Variants in SLC39A11 observed in about 807,000 individuals in gnomAD.
SLC39A11 encodes the protein zinc transporter ZIP11.
In SLC39A11, 33 loss-of-function variants were observed where a neutral mutation model predicts 36.1. That is an observed-to-expected ratio of 0.91 (90% confidence interval 0.69 to 1.22). The LOEUF is 1.22. SLC39A11 is among the 50% of genes most tolerant of loss of function. SLC39A11 has a pLI of 0.00. For synonymous variants in SLC39A11, 166 were observed against 170.3 expected (o/e 0.97, Z 0.20); for missense variants, 432 against 430.3 (o/e 1.00, Z -0.03).
At chr17:72,937,764 A>G (rs2084863483) in intron 5 of SLC39A11, among the ~76,000 whole-genome samples, 1 of 152,184 alleles carries the variant, frequency 6.6e-6, no homozygotes, top group African/African-American at 2.4e-5. Flanking sequence ...CAACCAATTC[A>G]CTAAGATTGA....
chr17:72,764,008 AC>A (rs2075680955), intron 6 of SLC39A11, among the ~76,000 whole-genome samples: 1 of 151,772 alleles, frequency 6.6e-6, no homozygotes, highest in African/African-American at 2.4e-5. Flanking sequence ...TCTCCTGAGT[AC>A]CCGAATAAAG....
At chr17:73,023,321 T>C (rs557519393) in intron 4 of SLC39A11, among the ~76,000 whole-genome samples, 5 of 152,254 alleles carry the variant, frequency 3.3e-5, no homozygotes, top group South Asian at 2.1e-4. Flanking sequence ...TGTGACTGTA[T>C]TTAGAGATAG....
rs533887009 is a variant in SLC39A11 at position 72,743,703 on chromosome 17, T to G, written c.602-6984A>C. Among the ~76,000 whole-genome samples, 1,000 of 151,724 alleles carry G rather than the reference T, an allele frequency of 6.6e-3. 10 individuals are homozygous for G. Among genetic ancestry groups the G allele is most frequent in the Middle Eastern group, 0.01 (3 of 294 alleles). On this transcript the variant is annotated intron_variant, in intron 6 of 9. Coordinates refer to ENST00000255559, the MANE Select transcript of SLC39A11 (RefSeq NM_139177.4). ...GCAGAAGGAACACCAAAACGAGAAT[T>G]CAGGCCGACACTGAAGATCAACAGA... is the stretch of plus-strand genomic sequence containing the variant.
chr17:72,746,075 G>A (rs1451566732), intron 6 of SLC39A11, among the ~76,000 whole-genome samples: 1 of 152,184 alleles, frequency 6.6e-6, no homozygotes, highest in Non-Finnish European at 1.5e-5. Flanking sequence ...TAAAGAAACT[G>A]AAGGAAGGTC....
At chr17:72,756,624 G>A (rs1276635440) in intron 6 of SLC39A11, among the ~76,000 whole-genome samples, 2 of 152,214 alleles carry the variant, frequency 1.3e-5, no homozygotes, top group Admixed American at 6.5e-5. Context: ...CAGAAGCTGG[G>A]GGAAGTGGGC....
intron 4 of SLC39A11, among the ~76,000 whole-genome samples, chr17:73,013,921 C>G (rs1317293780): frequency 1.3e-5 from 2 of 152,072 alleles, no homozygotes; most frequent in African/African-American, 4.8e-5. Flanking sequence ...ACGCAGAGGC[C>G]CAGCGATTTG....
intron 5 of SLC39A11, among the ~76,000 whole-genome samples, chr17:72,939,061 G>C (rs909168591): frequency 6.6e-6 from 1 of 152,126 alleles, no homozygotes; most frequent in Non-Finnish European, 1.5e-5. Context: ...GACGAACCAA[G>C]CTCCTGAAGT....
rs780776514 is a variant in SLC39A11 at position 72,762,541 on chromosome 17, T to C, written c.602-25822A>G. 5.7e-4 allele frequency among the ~76,000 whole-genome samples: 86 copies of C among 152,190 alleles called. 1 individual carries two copies. The highest frequency in any genetic ancestry group is 1.3e-4 in the Non-Finnish European group (9 of 68,022). The stretch of plus-strand genomic sequence containing the variant: ...TATAATCAAGAAGTAACCATAAAAA[T>C]GGGCAACCAGCAGCCCTTGGGGCAG... On this transcript the variant is annotated intron_variant, in intron 6 of 9. Transcript: ENST00000255559.
At chr17:72,723,278 A>G (rs540467337) in intron 7 of SLC39A11, among the ~76,000 whole-genome samples, 1 of 151,666 alleles carries the variant, frequency 6.6e-6, no homozygotes, top group South Asian at 2.1e-4. Context: ...CACGTGTCTT[A>G]AAATCCCTCC....
chr17:72,659,765 A>T (rs2144000269), intron 7 of SLC39A11, among the ~76,000 whole-genome samples: 1 of 151,260 alleles, frequency 6.6e-6, no homozygotes, highest in Non-Finnish European at 1.5e-5. Flanking sequence ...ATTTTATTTT[A>T]TTTTTTTGTA....
At chr17:73,038,702 G>A (rs1431859351) in intron 3 of SLC39A11, among the ~76,000 whole-genome samples, 1 of 144,068 alleles carries the variant, frequency 6.9e-6, no homozygotes, top group African/African-American at 2.5e-5. Context: ...GCAATACTCT[G>A]TTGAAAAAGA....
At chr17:73,060,912 T>G (rs1156300973) in intron 3 of SLC39A11, among the ~76,000 whole-genome samples, 3 of 152,236 alleles carry the variant, frequency 2.0e-5, no homozygotes, top group African/African-American at 4.8e-5. Flanking sequence ...ACCATGGACA[T>G]TTTAAGTCCT....
chr17:73,052,125 G>A (rs901631524), intron 3 of SLC39A11, among the ~76,000 whole-genome samples: 4 of 151,530 alleles, frequency 2.6e-5, no homozygotes, highest in Non-Finnish European at 5.9e-5. Context: ...GTTTTTTACC[G>A]AGTGTTAAGT....
At chr17:72,866,513 T>G (rs2080310917) in intron 5 of SLC39A11, among the ~76,000 whole-genome samples, 1 of 152,110 alleles carries the variant, frequency 6.6e-6, no homozygotes, top group Admixed American at 6.6e-5. Flanking sequence ...GAGACAAGTG[T>G]TCACTTTAAA....
At chr17:73,088,599 G>T in intron 2 of SLC39A11, 58 bp downstream of exon 2, 1 of 1,372,754 alleles carries the variant, frequency 7.3e-7, no homozygotes, top group Non-Finnish European at 1.0e-6. Flanking sequence ...GAGTGGGACA[G>T]TGCCCCTTTA....
intron 3 of SLC39A11, among the ~76,000 whole-genome samples, chr17:73,052,349 C>T (rs2059533732): frequency 6.6e-6 from 1 of 151,720 alleles, no homozygotes; most frequent in Non-Finnish European, 1.5e-5. Flanking sequence ...AGAGAGTTTT[C>T]AAAACCTAAA....
At chr17:73,082,711 A>T (rs2060584573) in intron 3 of SLC39A11, among the ~76,000 whole-genome samples, 1 of 152,138 alleles carries the variant, frequency 6.6e-6, no homozygotes, top group South Asian at 2.1e-4. Context: ...TCACATCAGA[A>T]CTGCTAAAGG....
chr17:72,898,071 G>C (rs201521609), intron 5 of SLC39A11, among the ~76,000 whole-genome samples: 1 of 152,108 alleles, frequency 6.6e-6, no homozygotes, highest in Admixed American at 6.5e-5. Flanking sequence ...TGAAGAGAAG[G>C]GGGAAGAGCC....
chr17:72,740,399 A>G (rs1289293491), intron 6 of SLC39A11, among the ~76,000 whole-genome samples: 2 of 152,150 alleles, frequency 1.3e-5, no homozygotes, highest in Non-Finnish European at 2.9e-5. Flanking sequence ...CATAAGGAAG[A>G]GAAAATACAT....
Sources: allele counts gnomAD v4.1 joint callset (sites outside exome capture counted in the v4.1 genomes callset), GRCh38; gene constraint gnomAD v4.1.1; transcripts MANE v1.5; gene names NCBI Gene and HGNC (gene_info 2026-07-23, HGNC 2026-07-21).